Variants in SH3BP2 observed in about 807,000 individuals in gnomAD.
SH3BP2 encodes the protein SH3 domain binding protein 2, also known as SH3 domain-binding protein 2.
SH3BP2 carries 38 observed loss-of-function variants against 56.2 expected under a neutral mutation model. That is an observed-to-expected ratio of 0.68 (90% confidence interval 0.52 to 0.89). The LOEUF (loss-of-function observed/expected upper bound fraction) is 0.89, where lower values mean the gene tolerates loss of function less well. SH3BP2 is among the 40% of genes least tolerant of loss of function. The pLI is 0.00. For missense variants in SH3BP2, 748 were observed against 762.6 expected (o/e 0.98, Z 0.23); for synonymous variants, 346 against 316.7 (o/e 1.09, Z -0.98).
chr4:2,796,047 G>C (rs995769713), intron 1 of SH3BP2, among the ~76,000 whole-genome samples: 1 of 152,184 alleles, frequency 6.6e-6, no homozygotes. Context: ...GTGCACGGGA[G>C]GGTAGACAGG....
intron 1 of SH3BP2, chr4:2,812,374 C>T: frequency 6.5e-7 from 1 of 1,550,238 alleles, no homozygotes; most frequent in African/African-American, 1.4e-5. Context: ...TGTAGGCTGC[C>T]TGGGCTGGTG....
chr4:2,839,808 C>G lies in SH3BP2; in HGVS notation c.*5974C>G, dbSNP rs908132417. 1 of 151,948 alleles carries G rather than the reference C, an allele frequency of 6.6e-6. No individual in the cohort carries two copies. Among genetic ancestry groups the G allele is most frequent in the Non-Finnish European group, 1.5e-5 (1 of 68,024 alleles). 9.4% of individuals were successfully genotyped at this position (151,948 alleles called of 1,614,324 possible). On this transcript the variant is annotated 3_prime_UTR_variant, in exon 13 of 13. Transcript: ENST00000503393. ...TCAAACTCCTAGACTCAATGAGCCT[C>G]CCATCTTGACCTCCCAAAGTGCTGG...
In SH3BP2 at chr4:2,829,724, C is replaced by A. The variant is rs759670540; in HGVS notation, c.818C>A (p.Thr273Asn). 8 of 1,612,546 alleles carry A rather than the reference C, an allele frequency of 5.0e-6. No homozygotes were observed. The East Asian group carries it at 1.8e-4, about 36-fold the overall frequency. ...RAEPCPRVPA[T>N]PRRMSDPPLS... ...GAGCCTTGCCCCAGGGTACCTGCTACCCCCCGAAGGATGAGCGATCCCCCT... is the reference window on the plus strand; with the variant it reads ...GAGCCTTGCCCCAGGGTACCTGCTAACCCCCGAAGGATGAGCGATCCCCCT... The change falls in exon 8 of 13, where the codon ACC becomes AAC. Residue 273 changes from threonine to asparagine, a missense_variant. Thr to Asn is a moderately conservative substitution (Grantham distance 65). Coordinates refer to ENST00000503393, the MANE Select transcript of SH3BP2 (RefSeq NM_001122681.2). The surrounding 1 kb of genome is among the most constrained non-coding windows in gnomAD (Gnocchi z 4.9).
chr4:2,794,966 A>G (rs1167437359), intron 1 of SH3BP2, among the ~76,000 whole-genome samples: 1 of 152,066 alleles, frequency 6.6e-6, no homozygotes, highest in African/African-American at 2.4e-5. Flanking sequence ...CTTGGGTGTG[A>G]ACTCAGATGC....
chr4:2,798,855 G>T (rs868203896), intron 1 of SH3BP2: 66 of 537,444 alleles, frequency 1.2e-4, no homozygotes, highest in Non-Finnish European at 1.5e-4. Flanking sequence ...AGGCCAGGCC[G>T]TGTGACCTGG....
At chr4:2,826,847 G>C in intron 5 of SH3BP2, 1 of 454,438 alleles carries the variant, frequency 2.2e-6, no homozygotes, top group Non-Finnish European at 4.4e-6. Context: ...CCATGTCTGT[G>C]TGACAGAGTC....
chr4:2,830,948 C>G (rs1416291358), intron 8 of SH3BP2, among the ~76,000 whole-genome samples: 1 of 152,234 alleles, frequency 6.6e-6, no homozygotes, highest in African/African-American at 2.4e-5. Flanking sequence ...CTGAGCAGCC[C>G]TTGTCACACT....
In SH3BP2 at chr4:2,833,947, C is replaced by A; in HGVS notation, c.*113C>A. 1 of 1,282,030 alleles carries A rather than the reference C, an allele frequency of 7.8e-7. No individual in the cohort carries two copies. The highest frequency in any genetic ancestry group is 1.1e-6 in the Non-Finnish European group (1 of 943,680). The allele number at this position is 1,282,030 out of a possible 1,614,324, so 79.4% of individuals were successfully genotyped here. On this transcript the variant is annotated 3_prime_UTR_variant, in exon 13 of 13. Coordinates refer to ENST00000503393, the MANE Select transcript of SH3BP2 (RefSeq NM_001122681.2). ...TGAGCAGGAGCAAGGCTGTGCTTGC[C>A]TAGGGCCTCTGTGATGGACATCTCG...
chr4:2,798,232 C>T (rs1275533538), intron 1 of SH3BP2, among the ~76,000 whole-genome samples: 8 of 152,158 alleles, frequency 5.3e-5, no homozygotes, highest in East Asian at 1.9e-4. Context: ...TCTCCCTGAA[C>T]GAAAGTGCTT....
intron 1 of SH3BP2, among the ~76,000 whole-genome samples, chr4:2,815,407 C>T (rs1723952632): frequency 6.6e-6 from 1 of 152,222 alleles, no homozygotes; most frequent in Non-Finnish European, 1.5e-5. Flanking sequence ...TGTCCCCCTG[C>T]CCAGGGTCAG....
In SH3BP2 at chr4:2,833,203, C is replaced by A. The variant is rs545936581; in HGVS notation, c.1548+154C>A. The A allele has an allele frequency of 1.1e-5, 8 of 717,588 alleles. No individual in the cohort carries two copies. The East Asian group carries it at 1.9e-4, about 17-fold the overall frequency. The allele number at this position is 717,588 out of a possible 1,614,324, so 44.5% of individuals were successfully genotyped here. On this transcript the variant is annotated intron_variant, in intron 12 of 12. Coordinates refer to ENST00000503393, the MANE Select transcript of SH3BP2 (RefSeq NM_001122681.2). Reference sequence around the variant, plus strand: ...TTCCCCTCCACCATCGCTCACCCCCCACCCCTCCTGCTCAGCCTCCCTCCT... The same window carrying A: ...TTCCCCTCCACCATCGCTCACCCCCAACCCCTCCTGCTCAGCCTCCCTCCT...
At chr4:2,822,902 G>A in intron 2 of SH3BP2, 33 bp from the exon 3 acceptor site, 1 of 1,574,348 alleles carries the variant, frequency 6.4e-7, no homozygotes, top group South Asian at 1.1e-5. Context: ...TGCCCCTCCA[G>A]GCTCACCTTC....
chr4:2,801,587 A>T (rs1445998847), intron 1 of SH3BP2, among the ~76,000 whole-genome samples: 1 of 152,102 alleles, frequency 6.6e-6, no homozygotes, highest in Non-Finnish European at 1.5e-5. Flanking sequence ...GCCCCAGCAG[A>T]GGGGCTGGCC....
At chr4:2,830,563 A>G (rs760844820) in intron 8 of SH3BP2, among the ~76,000 whole-genome samples, 3 of 152,170 alleles carry the variant, frequency 2.0e-5, no homozygotes, top group Non-Finnish European at 4.4e-5. Context: ...GGGTTTCACT[A>G]TGTTGGCCAG....
intron 1 of SH3BP2, among the ~76,000 whole-genome samples, chr4:2,803,912 G>T (rs530894750): frequency 6.6e-6 from 1 of 152,168 alleles, no homozygotes; most frequent in Non-Finnish European, 1.5e-5. Context: ...CAGACAGAGG[G>T]TGACAGTAGC....
At chr4:2,823,631 T>G (rs1205094127) in intron 3 of SH3BP2, 3 of 416,434 alleles carry the variant, frequency 7.2e-6, no homozygotes, top group Non-Finnish European at 1.4e-5. Flanking sequence ...GCCCATGGCC[T>G]GGGGCCCACA....
intron 10 of SH3BP2, 101 bp from the exon 11 acceptor site, chr4:2,832,230 C>T (rs910085293): frequency 6.9e-5 from 79 of 1,141,298 alleles, no homozygotes; most frequent in Non-Finnish European, 1.0e-4. Flanking sequence ...AGACCTACAA[C>T]AGCGAGAGGA....
intron 1 of SH3BP2, among the ~76,000 whole-genome samples, chr4:2,817,505 AG>A (rs1724048093): frequency 6.6e-6 from 1 of 152,160 alleles, no homozygotes; most frequent in African/African-American, 2.4e-5. Flanking sequence ...ACAGCTAGGT[AG>A]GGTCAGGCCC....
At chr4:2,821,428 C>G (rs2108726867) in intron 2 of SH3BP2, among the ~76,000 whole-genome samples, 1 of 152,356 alleles carries the variant, frequency 6.6e-6, no homozygotes, top group Admixed American at 6.5e-5. Flanking sequence ...GGAGCTGTAA[C>G]TGGCTTGTCC....
Sources: allele counts gnomAD v4.1 joint callset (sites outside exome capture counted in the v4.1 genomes callset), GRCh38; gene constraint gnomAD v4.1.1; non-coding constraint Gnocchi (gnomAD v3.1); transcripts MANE v1.5; gene names NCBI Gene and HGNC (gene_info 2026-07-23, HGNC 2026-07-21).